The following MCTP2 variants were observed in gnomAD, a reference collection of about 807,000 sequenced individuals.
MCTP2 encodes the protein multiple C2 and transmembrane domain-containing protein 2.
In MCTP2, 132 loss-of-function variants were observed where a neutral mutation model predicts 111.6. The observed-to-expected ratio is 1.18, with a 90% CI of 1.03 to 1.37. The LOEUF (loss-of-function observed/expected upper bound fraction) is 1.37. Ranked by LOEUF, MCTP2 falls within the 40% of genes most tolerant of loss-of-function variation. The pLI is 0.00. For synonymous variants in MCTP2, 395 were observed against 387.7 expected, an observed-to-expected ratio of 1.02 and a Z score of -0.22; for missense variants, 1,183 against 1,067.9, an observed-to-expected ratio of 1.11 and a Z score of -1.50.
At chr15:94,363,012 A>G (rs1016796302) in intron 10 of MCTP2, among the ~76,000 whole-genome samples, 2 of 152,200 alleles carry the variant, frequency 1.3e-5, no homozygotes, top group African/African-American at 4.8e-5. Flanking sequence ...GGCATTTTAA[A>G]TCTAAGAGGC....
intron 10 of MCTP2, among the ~76,000 whole-genome samples, chr15:94,360,938 C>A (rs1196385153): frequency 6.6e-6 from 1 of 151,418 alleles, no homozygotes; most frequent in Non-Finnish European, 1.5e-5. Flanking sequence ...GGTGCTACTG[C>A]TTTACCCTGC....
intron 17 of MCTP2, among the ~76,000 whole-genome samples, chr15:94,427,970 C>T (rs568549769): frequency 6.6e-6 from 1 of 152,264 alleles, no homozygotes; most frequent in Non-Finnish European, 1.5e-5. Flanking sequence ...CAGATCAAAC[C>T]ATACCCCTCC....
chr15:94,458,256 A>G lies in MCTP2; in HGVS notation c.2360+10A>G, dbSNP rs753229929. On this transcript the variant is annotated intron_variant, in intron 20 of 22. Coordinates refer to ENST00000357742, the MANE Select transcript of MCTP2 (RefSeq NM_001385001.1). ...GAGAAAGGATTAAGAAGTAAGTTCT[A>G]AATTTGTGTTGTGGTGTTTGCAGTA... 6 of 1,538,700 alleles carry G rather than the reference A, an allele frequency of 3.9e-6. No homozygotes were observed. The South Asian group carries it at 5.6e-5, about 14-fold the overall frequency.
chr15:94,374,165 T>G (rs527242826), intron 12 of MCTP2, among the ~76,000 whole-genome samples: 1 of 152,288 alleles, frequency 6.6e-6, no homozygotes, highest in South Asian at 2.1e-4. Context: ...GCACATCTGA[T>G]CATAAATTAA....
intron 2 of MCTP2, 64 bp downstream of exon 2, chr15:94,298,794 C>T (rs2075402765): frequency 9.2e-7 from 1 of 1,087,546 alleles, no homozygotes. Flanking sequence ...CCCTCTCTTT[C>T]TCCCTCTCTC....
chr15:94,323,722 GCATTGAGCTCAC>G (rs2076726058), intron 4 of MCTP2, among the ~76,000 whole-genome samples: 1 of 152,128 alleles, frequency 6.6e-6, no homozygotes, highest in Non-Finnish European at 1.5e-5. Context: ...TCCAGGCATG[GCATTGAGCTCAC>G]CTTCGTTAGC....
At chr15:94,246,850 A>G (rs1425693569) in intron 1 of MCTP2, among the ~76,000 whole-genome samples, 1 of 152,186 alleles carries the variant, frequency 6.6e-6, no homozygotes, top group African/African-American at 2.4e-5. Flanking sequence ...TTTTTAAAAG[A>G]TGATGGTTTT....
intron 16 of MCTP2, among the ~76,000 whole-genome samples, chr15:94,400,605 T>A (rs2081529164): frequency 6.6e-6 from 1 of 151,700 alleles, no homozygotes. Flanking sequence ...GTTTCACTTT[T>A]TTTTTTTTTT....
In MCTP2 at chr15:94,377,895, C is replaced by A. The variant is rs901506507; in HGVS notation, c.1583-6127C>A. Among the ~76,000 whole-genome samples, 4 of 152,034 alleles carry A rather than the reference C, an allele frequency of 2.6e-5. No individual in the cohort carries two copies. The East Asian group carries it at 7.7e-4, about 29-fold the overall frequency. On this transcript the variant is annotated intron_variant, in intron 12 of 22. Coordinates refer to ENST00000357742, the MANE Select transcript of MCTP2 (RefSeq NM_001385001.1). ...AAGGCACTTGAAAATGAGGAAACAG[C>A]AATGTTCCAGGGCCCGCCCAGCTTT... is the stretch of plus-strand genomic sequence containing the variant.
At chr15:94,354,148 T>C (rs183305588) in intron 8 of MCTP2, among the ~76,000 whole-genome samples, 23 of 152,294 alleles carry the variant, frequency 1.5e-4, no homozygotes, top group Admixed American at 7.2e-4. Flanking sequence ...GAATTACTTA[T>C]GTTCACCAGA....
intron 8 of MCTP2, among the ~76,000 whole-genome samples, chr15:94,352,611 G>T (rs1448479703): frequency 6.6e-6 from 1 of 152,156 alleles, no homozygotes; most frequent in African/African-American, 2.4e-5. Flanking sequence ...CAGTTCAGGT[G>T]GGGTGGCTTT....
intron 17 of MCTP2, among the ~76,000 whole-genome samples, chr15:94,411,413 C>T (rs2082147051): frequency 6.6e-6 from 1 of 151,774 alleles, no homozygotes; most frequent in Non-Finnish European, 1.5e-5. Context: ...CATTGTCTGG[C>T]TGTGCTTGGC....
At chr15:94,315,003 A>C (rs574027327) in intron 3 of MCTP2, 12 of 321,840 alleles carry the variant, frequency 3.7e-5, no homozygotes, top group Non-Finnish European at 6.1e-5. Flanking sequence ...TCAGTTGGAC[A>C]TGTGGGCTTG....
At position 94,370,084 on chromosome 15, in the gene MCTP2, C is replaced by T. The variant is rs1333254352; in HGVS notation, c.1489-3C>T. 1 of 1,607,140 alleles carries T rather than the reference C, an allele frequency of 6.2e-7. No homozygotes were observed. The highest frequency in any genetic ancestry group is 8.5e-7 in the Non-Finnish European group (1 of 1,177,074). On this transcript the variant is annotated splice_polypyrimidine_tract_variant and splice_region_variant and intron_variant, in intron 11 of 22. Transcript: ENST00000357742. ...TCACTTGTATCACCTTTTCAACCCT[C>T]AGTGCTTACAGAACTCCCTGAAAGA...
chr15:94,336,017 C>T (rs2077343058), intron 4 of MCTP2, among the ~76,000 whole-genome samples: 1 of 152,162 alleles, frequency 6.6e-6, no homozygotes, highest in Non-Finnish European at 1.5e-5. Context: ...GGAAAATCAC[C>T]TGTCTTTATT....
chr15:94,380,063 C>A (rs2080042444), intron 12 of MCTP2, among the ~76,000 whole-genome samples: 1 of 151,858 alleles, frequency 6.6e-6, no homozygotes. Flanking sequence ...TCTTTCTGAA[C>A]TTTTCTGAAC....
intron 20 of MCTP2, among the ~76,000 whole-genome samples, chr15:94,458,630 G>T (rs1029755846): frequency 6.6e-6 from 1 of 152,178 alleles, no homozygotes; most frequent in African/African-American, 2.4e-5. Flanking sequence ...CTTAGTAAAT[G>T]CCTTGAGTAA....
chr15:94,402,608 T>C, intron 17 of MCTP2: 2 of 1,550,910 alleles, frequency 1.3e-6, no homozygotes, highest in Non-Finnish European at 1.7e-6. Flanking sequence ...TAAAACCACC[T>C]AAGTCTACCA....
intron 4 of MCTP2, among the ~76,000 whole-genome samples, chr15:94,335,996 AAAG>A (rs2077342087): frequency 1.3e-5 from 2 of 152,218 alleles, no homozygotes; most frequent in African/African-American, 4.8e-5. Flanking sequence ...AAAATTAAAA[AAAG>A]GAGAAGAGGA....
Sources: gnomAD v4.1 joint callset for allele counts (sites outside exome capture counted in the v4.1 genomes callset) on GRCh38, gnomAD v4.1.1 for gene constraint, MANE v1.5 for transcripts, NCBI Gene and HGNC (gene_info 2026-07-23, HGNC 2026-07-21) for gene names.